PCSK5: variants seen among roughly 807,000 people sequenced by gnomAD.
The protein encoded by PCSK5 is prohormone convertase 5.
In PCSK5, 129 loss-of-function variants were observed where a neutral mutation model predicts 233.2. That is an observed-to-expected ratio of 0.55 (90% CI 0.48 to 0.64). The LOEUF is 0.64. Ranked by LOEUF, PCSK5 falls within the 30% of genes least tolerant of loss-of-function variation. The probability of loss-of-function intolerance (pLI) is 0.00; values close to 1 mark genes in which losing one functional copy is unlikely to be tolerated. For synonymous variants in PCSK5, 825 were observed against 879.2 expected, an observed-to-expected ratio of 0.94 and a Z score of 1.09; for missense variants, 2,076 against 2,430.1, an observed-to-expected ratio of 0.85 and a Z score of 3.06.
intron 7 of PCSK5, among the ~76,000 whole-genome samples, chr9:76,085,707 G>A (rs755186410): frequency 7.9e-5 from 12 of 152,194 alleles, no homozygotes; most frequent in African/African-American, 1.9e-4. Flanking sequence ...GAGTTACTCC[G>A]TGTAAGATCA....
chr9:76,181,340 A>G (rs1823863728), intron 15 of PCSK5, 58 bp from the exon 16 acceptor site: 12 of 1,449,288 alleles, frequency 8.3e-6, no homozygotes, highest in Non-Finnish European at 1.1e-5. Context: ...CTCCAAGAGA[A>G]TGCTGGGGAC....
intron 28 of PCSK5, among the ~76,000 whole-genome samples, chr9:76,307,300 GAGGA>G (rs1828732460): frequency 6.6e-6 from 1 of 152,200 alleles, no homozygotes; most frequent in Non-Finnish European, 1.5e-5. Flanking sequence ...AAAGGCAGGA[GAGGA>G]AGGAAGGGAG....
intron 20 of PCSK5, among the ~76,000 whole-genome samples, chr9:76,224,898 T>C (rs1214424477): frequency 1.3e-5 from 2 of 152,230 alleles, no homozygotes; most frequent in African/African-American, 4.8e-5. Context: ...ATCTGTATGA[T>C]AAAGACTTTG....
At chr9:76,319,906 C>G (rs2643316) in intron 30 of PCSK5, among the ~76,000 whole-genome samples, 52,842 of 151,948 alleles carry the variant, frequency 0.35, 9,521 homozygotes, top group African/African-American at 0.41. Flanking sequence ...AAAACGCTGA[C>G]GTACACTGCC....
intron 5 of PCSK5, among the ~76,000 whole-genome samples, chr9:76,057,503 CT>C (rs1453955961): frequency 1.3e-5 from 2 of 152,144 alleles, no homozygotes; most frequent in Non-Finnish European, 2.9e-5. Flanking sequence ...TATTATTTAA[CT>C]GTTACATAAT....
At chr9:76,297,866 T>C (rs935024466) in intron 27 of PCSK5, among the ~76,000 whole-genome samples, 11 of 152,240 alleles carry the variant, frequency 7.2e-5, no homozygotes, top group Middle Eastern at 3.4e-3. Context: ...GGCTGCTGTC[T>C]ACTACGGCAG....
intron 28 of PCSK5, among the ~76,000 whole-genome samples, chr9:76,308,041 A>G (rs1828755895): frequency 6.6e-6 from 1 of 152,088 alleles, no homozygotes; most frequent in Non-Finnish European, 1.5e-5. Flanking sequence ...TACTAAAAAT[A>G]CAAAAATTAG....
At chr9:76,342,417 G>A (rs1399808057) in intron 35 of PCSK5, among the ~76,000 whole-genome samples, 1 of 152,000 alleles carries the variant, frequency 6.6e-6, no homozygotes, top group Non-Finnish European at 1.5e-5. Context: ...TTCATCTTGA[G>A]GCAATATGTT....
intron 1 of PCSK5, among the ~76,000 whole-genome samples, chr9:75,898,071 T>G (rs905289299): frequency 3.9e-5 from 6 of 152,226 alleles, no homozygotes; most frequent in Non-Finnish European, 8.8e-5. Flanking sequence ...CCTTACCTGA[T>G]CTGCACTTTC....
chr9:76,117,269 T>C (rs1298841160), intron 9 of PCSK5, among the ~76,000 whole-genome samples: 2 of 152,094 alleles, frequency 1.3e-5, no homozygotes, highest in Non-Finnish European at 2.9e-5. Flanking sequence ...TGTGAGGCCT[T>C]GAACTTGGCT....
chr9:75,952,746 C>G (rs1046762393), intron 2 of PCSK5, among the ~76,000 whole-genome samples: 2 of 152,124 alleles, frequency 1.3e-5, no homozygotes, highest in African/African-American at 4.8e-5. Flanking sequence ...TGCATTTTTG[C>G]ACTTAGCATA....
intron 2 of PCSK5, among the ~76,000 whole-genome samples, chr9:75,958,863 CCATT>C (rs143425369): frequency 2.6e-5 from 4 of 152,306 alleles, no homozygotes; most frequent in Non-Finnish European, 5.9e-5. Context: ...TTGTATTTAT[CCATT>C]CATTCAATCA....
intron 2 of PCSK5, among the ~76,000 whole-genome samples, chr9:75,972,764 A>G (rs923900072): frequency 1.3e-5 from 2 of 152,198 alleles, no homozygotes; most frequent in African/African-American, 4.8e-5. Context: ...TGTCAGCTTA[A>G]GAAGCTTTTG....
At chr9:75,903,389 T>G (rs1826126377) in intron 1 of PCSK5, among the ~76,000 whole-genome samples, 1 of 151,634 alleles carries the variant, frequency 6.6e-6, no homozygotes, top group African/African-American at 2.4e-5. Context: ...CTATACATTA[T>G]CTGAGAGGTT....
At chr9:76,071,238 G>T (rs1830470645) in intron 6 of PCSK5, among the ~76,000 whole-genome samples, 2 of 152,076 alleles carry the variant, frequency 1.3e-5, no homozygotes, top group South Asian at 2.1e-4. Context: ...GAAACATGAA[G>T]TTCACATCAA....
chr9:76,045,920 T>C (rs1000441375), intron 5 of PCSK5, among the ~76,000 whole-genome samples: 2 of 152,114 alleles, frequency 1.3e-5, no homozygotes, highest in African/African-American at 4.8e-5. Flanking sequence ...TGAGAGATTG[T>C]TAGTTAATTT....
chr9:76,312,930 A>G (rs1371996192), intron 30 of PCSK5, among the ~76,000 whole-genome samples: 1 of 152,170 alleles, frequency 6.6e-6, no homozygotes, highest in Non-Finnish European at 1.5e-5. Context: ...ACATCAGTCA[A>G]TGTCATACTT....
At chr9:76,043,267 T>C (rs1028958264) in intron 5 of PCSK5, among the ~76,000 whole-genome samples, 2 of 128,612 alleles carry the variant, frequency 1.6e-5, no homozygotes, top group African/African-American at 6.0e-5. Context: ...ACCCGGGAGG[T>C]GGAGCTTGCA....
At chr9:76,136,898 T>C (rs1823007001) in intron 10 of PCSK5, among the ~76,000 whole-genome samples, 1 of 152,080 alleles carries the variant, frequency 6.6e-6, no homozygotes, top group South Asian at 2.1e-4. Flanking sequence ...CTTGATAGTC[T>C]TTGTTATCAC....
Sources: gnomAD v4.1 joint callset for allele counts (sites outside exome capture counted in the v4.1 genomes callset) on GRCh38, gnomAD v4.1.1 for gene constraint, MANE v1.5 for transcripts, NCBI Gene and HGNC (gene_info 2026-07-23, HGNC 2026-07-21) for gene names.